The following LIMCH1 variants were observed in gnomAD, a reference collection of about 807,000 sequenced individuals.
LIMCH1 encodes LIM and calponin homology domains 1.
LIMCH1 carries 113 observed loss-of-function variants against 176.5 expected under a neutral mutation model. That is an observed-to-expected ratio of 0.64 (90% confidence interval 0.55 to 0.75). The LOEUF is 0.75. Ranked by LOEUF, LIMCH1 falls within the 30% of genes least tolerant of loss-of-function variation. The pLI, the probability that LIMCH1 is intolerant of heterozygous loss-of-function variation, is 0.00. For synonymous variants in LIMCH1, 619 were observed against 645.9 expected, an observed-to-expected ratio of 0.96 and a Z score of 0.63; for missense variants, 1,674 against 1,814.9, an observed-to-expected ratio of 0.92 and a Z score of 1.41.
intron 18 of LIMCH1, among the ~76,000 whole-genome samples, chr4:41,656,485 C>G (rs1303911090): frequency 6.6e-6 from 1 of 152,140 alleles, no homozygotes; most frequent in Non-Finnish European, 1.5e-5. Flanking sequence ...AAAAAATTAA[C>G]CTGGCCTATC....
At chr4:41,381,858 G>A (rs2055720916) in intron 1 of LIMCH1, among the ~76,000 whole-genome samples, 1 of 152,112 alleles carries the variant, frequency 6.6e-6, no homozygotes, top group South Asian at 2.1e-4. Context: ...TTTGACATTA[G>A]GGGTTGGATC....
At chr4:41,583,718 C>T (rs972740455) in intron 1 of LIMCH1, among the ~76,000 whole-genome samples, 1 of 151,474 alleles carries the variant, frequency 6.6e-6, no homozygotes, top group Non-Finnish European at 1.5e-5. Flanking sequence ...GGGTTAGGCA[C>T]CTGATAAACT....
chr4:41,556,405 A>AAG (rs1411909776), intron 1 of LIMCH1, among the ~76,000 whole-genome samples: 1 of 151,610 alleles, frequency 6.6e-6, no homozygotes, highest in African/African-American at 2.4e-5. Context: ...CAAAAAAAAA[A>AAG]AAAAAAAAGG....
intron 18 of LIMCH1, among the ~76,000 whole-genome samples, chr4:41,661,122 A>G (rs2094603042): frequency 1.3e-5 from 2 of 151,660 alleles, no homozygotes; most frequent in Admixed American, 1.3e-4. Context: ...TTCAAGAACA[A>G]GTAGGTGATA....
chr4:41,572,309 A>G (rs191309446), intron 1 of LIMCH1, among the ~76,000 whole-genome samples: 5 of 152,338 alleles, frequency 3.3e-5, no homozygotes, highest in Admixed American at 3.3e-4. Flanking sequence ...CCACAGAGAA[A>G]CAAAATTTGA....
chr4:41,534,058 AG>A (rs764222398), upstream of LIMCH1, among the ~76,000 whole-genome samples: 10 of 152,192 alleles, frequency 6.6e-5, no homozygotes, highest in Non-Finnish European at 1.5e-4. Context: ...ACTGAAAACA[AG>A]GGAATCTCGT....
chr4:41,500,501 A>G (rs1333319095), intron 2 of LIMCH1, among the ~76,000 whole-genome samples: 1 of 152,262 alleles, frequency 6.6e-6, no homozygotes. Flanking sequence ...TTACAAATAC[A>G]ACCAGAATAT....
intron 15 of LIMCH1, among the ~76,000 whole-genome samples, chr4:41,645,690 GT>G (rs1475232644): frequency 6.6e-6 from 1 of 151,942 alleles, no homozygotes; most frequent in Non-Finnish European, 1.5e-5. Flanking sequence ...CTCCAAAACA[GT>G]TTTTTTTCTG....
intron 21 of LIMCH1, among the ~76,000 whole-genome samples, chr4:41,670,318 G>T (rs1020800475): frequency 6.6e-6 from 1 of 152,252 alleles, no homozygotes; most frequent in African/African-American, 2.4e-5. Context: ...TAATGTATAT[G>T]AAATAGTAAT....
chr4:41,394,172 T>A (rs970636882), intron 1 of LIMCH1, among the ~76,000 whole-genome samples: 3 of 152,172 alleles, frequency 2.0e-5, no homozygotes, highest in African/African-American at 7.2e-5. Context: ...CTGTTTTATG[T>A]ATTATTGACA....
At chr4:41,597,379 A>G (rs906530925) in intron 1 of LIMCH1, among the ~76,000 whole-genome samples, 5 of 152,224 alleles carry the variant, frequency 3.3e-5, no homozygotes, top group Non-Finnish European at 5.9e-5. Flanking sequence ...GGTGAATAAT[A>G]AGGGCTATAG....
intron 2 of LIMCH1, among the ~76,000 whole-genome samples, chr4:41,506,717 G>GA: frequency 6.6e-6 from 1 of 152,250 alleles, no homozygotes; most frequent in Non-Finnish European, 1.5e-5. Context: ...GAGGGAAAGG[G>GA]AAAATCATCT....
rs111307981 is a variant in LIMCH1 at position 41,670,535 on chromosome 4, T to C, written c.3398-1019T>C. ...ATAAACTGTCCTGGTTCTGTTGATT[T>C]TGTACATGTCTTCAGGTTTTATATG... On this transcript the variant is annotated intron_variant, in intron 21 of 31. Transcript: ENST00000503057. Among the ~76,000 whole-genome samples, 1,044 of 152,360 alleles carry C rather than the reference T, an allele frequency of 6.9e-3. 15 individuals carry two copies. The highest frequency in any genetic ancestry group is 0.024 in the African/African-American group (996 of 41,580).
intron 1 of LIMCH1, among the ~76,000 whole-genome samples, chr4:41,374,012 T>C (rs1027147169): frequency 6.6e-6 from 1 of 152,080 alleles, no homozygotes. Flanking sequence ...GTTTCCTGAG[T>C]CTCCCCAGCC....
chr4:41,688,441 A>G (rs1722685485), intron 29 of LIMCH1, among the ~76,000 whole-genome samples: 1 of 152,158 alleles, frequency 6.6e-6, no homozygotes, highest in Non-Finnish European at 1.5e-5. Context: ...GTGCTCAGAG[A>G]TTTTCTTTGA....
chr4:41,547,661 AATATATACATATATAATATATGTATGTT>A (rs534887649), intron 1 of LIMCH1, among the ~76,000 whole-genome samples: 1 of 146,530 alleles, frequency 6.8e-6, no homozygotes, highest in Non-Finnish European at 1.5e-5. Context: ...TACAGATATA[AATATATACATATATAATATATGTATGTT>A]ATATATACAT....
intron 1 of LIMCH1, among the ~76,000 whole-genome samples, chr4:41,588,490 A>G (rs1230803162): frequency 6.6e-6 from 1 of 152,184 alleles, no homozygotes; most frequent in Non-Finnish European, 1.5e-5. Flanking sequence ...CTCCAGGCCC[A>G]ATCATGGCAG....
chr4:41,435,139 G>A (rs911272783), intron 1 of LIMCH1, among the ~76,000 whole-genome samples: 15 of 151,996 alleles, frequency 9.9e-5, no homozygotes, highest in Non-Finnish European at 2.9e-5. Context: ...CATAAGAGGG[G>A]GACTGGACAT....
chr4:41,485,818 A>T (rs138730510), intron 1 of LIMCH1, among the ~76,000 whole-genome samples: 23 of 152,230 alleles, frequency 1.5e-4, no homozygotes, highest in African/African-American at 5.1e-4. Flanking sequence ...TTGAGAATAG[A>T]TGGAAGGGAG....
Sources: gnomAD v4.1 joint callset for allele counts (sites outside exome capture counted in the v4.1 genomes callset) on GRCh38, gnomAD v4.1.1 for gene constraint, MANE v1.5 for transcripts, NCBI Gene and HGNC (gene_info 2026-07-23, HGNC 2026-07-21) for gene names.